ZMYND8: variants seen among roughly 807,000 people sequenced by gnomAD.
The protein encoded by ZMYND8 is MYND-type zinc finger-containing chromatin reader ZMYND8.
In ZMYND8, 37 loss-of-function variants were observed where a neutral mutation model predicts 140.8. The observed-to-expected ratio is 0.26, with a 90% CI of 0.20 to 0.35. The LOEUF (loss-of-function observed/expected upper bound fraction) is 0.35. Ranked by LOEUF, ZMYND8 falls within the 10% of genes least tolerant of loss-of-function variation. ZMYND8 has a pLI of 1.00. For missense variants in ZMYND8, 1,068 were observed against 1,570.0 expected (o/e 0.68, Z 5.40); for synonymous variants, 592 against 597.1 (o/e 0.99, Z 0.12).
intron 12 of ZMYND8, among the ~76,000 whole-genome samples, chr20:47,260,580 C>G (rs901757569): frequency 3.9e-5 from 6 of 152,194 alleles, no homozygotes; most frequent in Admixed American, 2.0e-4. Context: ...TTTCTTGTCA[C>G]GTAAACTTCA....
At chr20:47,312,138 T>C (rs1419293371) in intron 2 of ZMYND8, among the ~76,000 whole-genome samples, 4 of 152,202 alleles carry the variant, frequency 2.6e-5, no homozygotes, top group Admixed American at 6.5e-5. Context: ...AAGATGCTCC[T>C]GCCCCAGTTT....
At chr20:47,297,817 T>C (rs1451358994) in intron 4 of ZMYND8, among the ~76,000 whole-genome samples, 1 of 151,686 alleles carries the variant, frequency 6.6e-6, no homozygotes, top group Non-Finnish European at 1.5e-5. Context: ...AACATCAGAG[T>C]TGGGGGTCTC....
chr20:47,240,833 C>T (rs1024053239), intron 14 of ZMYND8, among the ~76,000 whole-genome samples: 2 of 151,568 alleles, frequency 1.3e-5, no homozygotes, highest in African/African-American at 2.4e-5. Context: ...GAATTACAGG[C>T]GTGAGCCAAC....
chr20:47,262,190 G>A, intron 12 of ZMYND8, 98 bp downstream of exon 12: 1 of 1,539,702 alleles, frequency 6.5e-7, no homozygotes, highest in East Asian at 2.3e-5. Flanking sequence ...ATAGAGAAAA[G>A]AGTTGAAGGT....
At chr20:47,335,217 G>A (rs2081296035) in intron 2 of ZMYND8, among the ~76,000 whole-genome samples, 1 of 152,076 alleles carries the variant, frequency 6.6e-6, no homozygotes, top group South Asian at 2.1e-4. Flanking sequence ...CTGCACTCCA[G>A]CTTGGGCGAC....
intron 3 of ZMYND8, among the ~76,000 whole-genome samples, chr20:47,307,161 C>T (rs759531974): frequency 4.6e-5 from 7 of 152,014 alleles, no homozygotes; most frequent in Admixed American, 2.0e-4. Flanking sequence ...AAAGGGACCC[C>T]GGAACTTGGC....
In ZMYND8 at chr20:47,209,311, T is replaced by C. The variant is rs1027923817; in HGVS notation, c.*1450A>G. On this transcript the variant is annotated 3_prime_UTR_variant, in exon 23 of 23. Transcript: ENST00000471951. ...CGGGCAAACCCAAAAAAGCATATAG[T>C]GTGAGTCTACTGGCTCAGTCACAAA... 5.9e-5 allele frequency: 9 copies of C among 152,092 alleles called. No homozygotes were observed. Among genetic ancestry groups the C allele is most frequent in the Non-Finnish European group, 8.8e-5 (6 of 68,008 alleles). 9.4% of individuals were successfully genotyped at this position (152,092 alleles called of 1,614,324 possible). A position where few individuals can be genotyped will look rare whatever the true frequency, so the allele number is the denominator to read the frequency against.
At chr20:47,232,902 T>G (rs1303342215) in intron 16 of ZMYND8, among the ~76,000 whole-genome samples, 2 of 57,948 alleles carry the variant, frequency 3.5e-5, no homozygotes, top group East Asian at 1.3e-3. Context: ...TTTTTGTTTT[T>G]TTTGTTTTTT....
chr20:47,320,953 G>A (rs1203244739), intron 2 of ZMYND8, among the ~76,000 whole-genome samples: 3 of 152,112 alleles, frequency 2.0e-5, no homozygotes, highest in Non-Finnish European at 2.9e-5. Context: ...CTGCATAGAC[G>A]GGCATGGTCC....
At chr20:47,355,549 A>G (rs1386125521) in intron 1 of ZMYND8, 2 of 958,938 alleles carry the variant, frequency 2.1e-6, no homozygotes, top group Non-Finnish European at 2.5e-6. Flanking sequence ...TTTTTTAAAC[A>G]GTTACATGGT....
At chr20:47,255,835 TAC>T (rs375610073) in intron 12 of ZMYND8, among the ~76,000 whole-genome samples, 7 of 143,880 alleles carry the variant, frequency 4.9e-5, no homozygotes, top group Admixed American at 3.6e-4. Context: ...TATATATATA[TAC>T]ACACACACAC....
Position 47,249,414 on chromosome 20 carries a change from C to T in ZMYND8, c.1647G>A (p.Leu549=). The T allele has an allele frequency of 1.9e-6, 3 of 1,614,164 alleles. No homozygotes were observed. Among genetic ancestry groups the T allele is most frequent in the Non-Finnish European group, 2.5e-6 (3 of 1,180,022 alleles). The change falls in exon 13 of 23, where the codon TTG becomes TTA. Residue 549 remains leucine, a synonymous_variant. Transcript: ENST00000471951. ...NLDRSKAEMD[L]KELSESVQQQ... ...GCTGGACCGACTCGCTCAGCTCCTT[C>T]AAATCCATCTCAGCTTTGCTTCGAT...
At chr20:47,349,841 C>A in intron 1 of ZMYND8, 1 of 1,516,608 alleles carries the variant, frequency 6.6e-7, no homozygotes, top group South Asian at 1.2e-5. Context: ...TTATGCAGAA[C>A]TGAGCCAAAA....
chr20:47,230,226 T>A (rs2038271902), intron 16 of ZMYND8, among the ~76,000 whole-genome samples: 1 of 152,084 alleles, frequency 6.6e-6, no homozygotes, highest in African/African-American at 2.4e-5. Flanking sequence ...AAAGCTAGTT[T>A]CCATACTACA....
At chr20:47,297,829 A>C (rs79658926) in intron 4 of ZMYND8, among the ~76,000 whole-genome samples, 3,327 of 152,322 alleles carry the variant, frequency 0.022, 123 homozygotes, top group African/African-American at 0.076. Context: ...GGGGGTCTCC[A>C]AGAACAGGAG....
intron 11 of ZMYND8, among the ~76,000 whole-genome samples, chr20:47,268,381 C>T (rs1305873525): frequency 1.3e-5 from 2 of 151,070 alleles, no homozygotes; most frequent in African/African-American, 4.9e-5. Context: ...GCAGGCTCCG[C>T]CTCCCGGGTT....
At chr20:47,280,173 G>A (rs575698606) in intron 10 of ZMYND8, among the ~76,000 whole-genome samples, 1 of 147,210 alleles carries the variant, frequency 6.8e-6, no homozygotes, top group Admixed American at 6.8e-5. Flanking sequence ...CCTGCCCAAA[G>A]CCTACTAAAA....
intron 2 of ZMYND8, among the ~76,000 whole-genome samples, chr20:47,336,003 G>A (rs945932384): frequency 6.6e-6 from 1 of 152,106 alleles, no homozygotes; most frequent in Non-Finnish European, 1.5e-5. Flanking sequence ...GCCAAAATAC[G>A]GTTAAAAATA....
intron 2 of ZMYND8, among the ~76,000 whole-genome samples, chr20:47,334,578 T>C (rs2081232579): frequency 6.7e-6 from 1 of 149,358 alleles, no homozygotes; most frequent in African/African-American, 2.5e-5. Flanking sequence ...ATTGTGCTGT[T>C]GGCTGCACAA....
Sources: gnomAD v4.1 joint callset for allele counts (sites outside exome capture counted in the v4.1 genomes callset) on GRCh38, gnomAD v4.1.1 for gene constraint, MANE v1.5 for transcripts, NCBI Gene and HGNC (gene_info 2026-07-23, HGNC 2026-07-21) for gene names.